TBCK: variants seen among roughly 807,000 people sequenced by gnomAD.
TBCK encodes the protein TBC1 domain containing kinase.
Under a neutral mutation model 113.4 loss-of-function variants are expected in TBCK, and 99 were observed. That is an observed-to-expected ratio of 0.87 (90% CI 0.74 to 1.03). TBCK has a LOEUF of 1.03. Ranked by LOEUF, TBCK falls within the 50% of genes least tolerant of loss-of-function variation. The probability of loss-of-function intolerance (pLI) is 0.00; values close to 1 mark genes in which losing one functional copy is unlikely to be tolerated. For missense variants in TBCK, 1,045 were observed against 1,061.3 expected (o/e 0.98, Z 0.21); for synonymous variants, 369 against 370.8 (o/e 1.00, Z 0.05).
chr4:106,083,304 C>A (rs561212469), intron 25 of TBCK, among the ~76,000 whole-genome samples: 1 of 152,338 alleles, frequency 6.6e-6, no homozygotes, highest in African/African-American at 2.4e-5. Flanking sequence ...GCCCAAAACA[C>A]CGGCTGTGGC....
intron 23 of TBCK, among the ~76,000 whole-genome samples, chr4:106,125,664 TG>T (rs1251228172): frequency 1.3e-5 from 2 of 152,006 alleles, no homozygotes; most frequent in Non-Finnish European, 2.9e-5. Context: ...GTTGATCTCA[TG>T]GAAGTAGAGA....
intron 25 of TBCK, among the ~76,000 whole-genome samples, chr4:106,076,976 C>T (rs1166417871): frequency 6.6e-6 from 1 of 152,054 alleles, no homozygotes; most frequent in Non-Finnish European, 1.5e-5. Context: ...TGGTGACATG[C>T]ACCTGTAGTC....
At chr4:106,197,320 A>G (rs1754338113) in intron 20 of TBCK, among the ~76,000 whole-genome samples, 1 of 147,806 alleles carries the variant, frequency 6.8e-6, no homozygotes, top group Admixed American at 6.8e-5. Flanking sequence ...ATTCCCCTCA[A>G]ATCTTTGCTA....
chr4:106,069,186 T>G (rs1427724536), intron 25 of TBCK, among the ~76,000 whole-genome samples: 2 of 152,208 alleles, frequency 1.3e-5, no homozygotes, highest in Non-Finnish European at 2.9e-5. Context: ...TTGTTGCCAT[T>G]GCTTTTGGTG....
intron 3 of TBCK, among the ~76,000 whole-genome samples, chr4:106,270,623 T>C (rs1038454169): frequency 5.3e-5 from 8 of 152,206 alleles, no homozygotes; most frequent in Non-Finnish European, 1.0e-4. Flanking sequence ...AAATTTCTAT[T>C]ACTGTTCAGA....
intron 20 of TBCK, among the ~76,000 whole-genome samples, chr4:106,209,717 C>T (rs547326291): frequency 6.6e-5 from 10 of 152,076 alleles, no homozygotes; most frequent in African/African-American, 2.4e-4. Context: ...GTTTTGTGTT[C>T]TCTCTTGTAT....
At chr4:106,296,132 CT>C (rs1400206408) in intron 2 of TBCK, among the ~76,000 whole-genome samples, 1 of 151,912 alleles carries the variant, frequency 6.6e-6, no homozygotes, top group African/African-American at 2.4e-5. Flanking sequence ...CCAGCCTATA[CT>C]TTTTTTTGCC....
At chr4:106,283,244 TACA>T (rs1764796056) in intron 3 of TBCK, among the ~76,000 whole-genome samples, 1 of 152,122 alleles carries the variant, frequency 6.6e-6, no homozygotes, top group South Asian at 2.1e-4. Flanking sequence ...CTTTTATACT[TACA>T]ACTTTAGGAG....
At chr4:106,238,130 T>C (rs1759679017) in intron 12 of TBCK, among the ~76,000 whole-genome samples, 2 of 152,062 alleles carry the variant, frequency 1.3e-5, no homozygotes, top group Non-Finnish European at 2.9e-5. Flanking sequence ...TATATTTAAA[T>C]TGAAGAAACA....
intron 15 of TBCK, 52 bp downstream of exon 15, chr4:106,235,217 C>T: frequency 5.8e-6 from 7 of 1,212,164 alleles, no homozygotes; most frequent in Non-Finnish European, 8.1e-6. Flanking sequence ...TCTCCTTCTC[C>T]ATCCTTTCTT....
chr4:106,272,318 G>A (rs890055098), intron 3 of TBCK, among the ~76,000 whole-genome samples: 8 of 151,924 alleles, frequency 5.3e-5, no homozygotes, highest in African/African-American at 7.2e-5. Flanking sequence ...GTTTCTTTCC[G>A]TGCTACATAC....
At chr4:106,048,306 C>T (rs1306870713) in intron 25 of TBCK, among the ~76,000 whole-genome samples, 3 of 152,116 alleles carry the variant, frequency 2.0e-5, no homozygotes, top group Non-Finnish European at 1.5e-5. Flanking sequence ...ACTGCTAACC[C>T]TACTTATCTT....
chr4:106,251,082 C>T (rs906784225), intron 6 of TBCK: 34 of 335,480 alleles, frequency 1.0e-4, no homozygotes, highest in African/African-American at 7.2e-4. Flanking sequence ...CTTATACCTT[C>T]AGCATTTATG....
chr4:106,056,585 C>A (rs746905048), intron 25 of TBCK, among the ~76,000 whole-genome samples: 10 of 141,400 alleles, frequency 7.1e-5, no homozygotes, highest in African/African-American at 2.4e-4. Flanking sequence ...TTTCATTCTT[C>A]TTCTACTTCA....
intron 23 of TBCK, among the ~76,000 whole-genome samples, chr4:106,125,807 T>C (rs1745138039): frequency 6.6e-6 from 1 of 152,014 alleles, no homozygotes; most frequent in African/African-American, 2.4e-5. Context: ...GGAAATACAG[T>C]TAGATAGAAG....
chr4:106,314,837 C>T (rs533352060), intron 1 of TBCK, among the ~76,000 whole-genome samples: 37 of 151,866 alleles, frequency 2.4e-4, no homozygotes, highest in Admixed American at 1.8e-3. Context: ...CCTGGCCAGG[C>T]TGGTCTTGAA....
At chr4:106,269,616 A>G (rs533090694) in intron 3 of TBCK, among the ~76,000 whole-genome samples, 52 of 152,318 alleles carry the variant, frequency 3.4e-4, no homozygotes, top group Admixed American at 3.1e-3. Flanking sequence ...TTTGAAATGG[A>G]AATTGCATTG....
chr4:106,255,874 C>T lies in TBCK; in HGVS notation c.456-3867G>A, dbSNP rs146771064. ...GAGCTATAGAACACCTAAAGAGACC[C>T]ACAGTGGGTAGTTCCTCTCCACTGG... On this transcript the variant is annotated intron_variant, in intron 5 of 25. Coordinates refer to ENST00000394708, the MANE Select transcript of TBCK (RefSeq NM_001163435.3). Among the ~76,000 whole-genome samples, 839 of 152,242 alleles carry T rather than the reference C, an allele frequency of 5.5e-3. 7 individuals carry two copies. Among genetic ancestry groups the T allele is most frequent in the African/African-American group, 0.019 (802 of 41,546 alleles).
At position 106,236,427 on chromosome 4, in the gene TBCK, T is replaced by A; in HGVS notation, c.1313A>T (p.Gln438Leu). The A allele has an allele frequency of 6.4e-7, 1 of 1,558,894 alleles. No individual in the cohort carries two copies. The highest frequency in any genetic ancestry group is 1.8e-5 in the Admixed American group (1 of 55,350). Residue 438 changes from glutamine to leucine, a missense_variant, in exon 14 of 26, where the codon CAA (glutamine) becomes CTA (leucine). By Grantham distance (113) the Gln-to-Leu change is moderately radical. Transcript: ENST00000394708. Reference protein sequence around the residue: ...LIIREKDTEYQLNRIILFDRL... With the variant: ...LIIREKDTEYLLNRIILFDRL... ...GTCGAAGAGAATAATTCTATTTAGT[T>A]GGTACTCTGTATCCTTCTCTCTGAT...
Sources: allele counts gnomAD v4.1 joint callset (sites outside exome capture counted in the v4.1 genomes callset), GRCh38; gene constraint gnomAD v4.1.1; transcripts MANE v1.5; gene names NCBI Gene and HGNC (gene_info 2026-07-23, HGNC 2026-07-21).